Variants in FIRRM observed in about 807,000 individuals in gnomAD.
FIRRM encodes FIGNL1-interacting regulator of recombination and mitosis.
the FIRRM span, chr1:169,852,086 T>A: frequency 4.6e-6 from 5 of 1,093,834 alleles, no homozygotes; most frequent in African/African-American, 1.6e-5. Context: ...TTTATGGTAG[T>A]TGCTTTTAAA....
the FIRRM span, among the ~76,000 whole-genome samples, chr1:169,839,932 C>T: frequency 1.6e-4 from 25 of 152,212 alleles, 2 homozygotes; most frequent in Admixed American, 8.5e-4. Flanking sequence ...CAGTTTCATT[C>T]TTCTGCATGT....
At chr1:169,811,742 AGATT>A in the FIRRM span, among the ~76,000 whole-genome samples, 1 of 146,230 alleles carries the variant, frequency 6.8e-6, no homozygotes, top group Admixed American at 7.0e-5. Context: ...GATAATAGAC[AGATT>A]ATCTAAATAG....
At chr1:169,847,781 T>A in the FIRRM span, 1 of 1,606,846 alleles carries the variant, frequency 6.2e-7, no homozygotes, top group Non-Finnish European at 8.5e-7. Flanking sequence ...TTAGGAAAAC[T>A]TTTTATACCT....
the FIRRM span, among the ~76,000 whole-genome samples, chr1:169,825,121 T>C: frequency 2.0e-5 from 3 of 152,210 alleles, no homozygotes; most frequent in African/African-American, 7.2e-5. Flanking sequence ...TCTCATCACC[T>C]GAACTGCTAC....
chr1:169,794,343 G>A, the FIRRM span, among the ~76,000 whole-genome samples: 1 of 152,138 alleles, frequency 6.6e-6, no homozygotes. Context: ...AACATGCATA[G>A]GTATGGCCTG....
At chr1:169,793,448 C>A in the FIRRM span, 1 of 1,614,214 alleles carries the variant, frequency 6.2e-7, no homozygotes, top group Non-Finnish European at 8.5e-7. Flanking sequence ...CCTTGAACTG[C>A]TGGCTGCACT....
chr1:169,802,793 T>C, the FIRRM span: 2 of 867,576 alleles, frequency 2.3e-6, no homozygotes, highest in Admixed American at 4.1e-5. Context: ...TTTATACTGA[T>C]ACTGATTAGC....
At chr1:169,795,265 C>A in the FIRRM span, 1 of 1,517,066 alleles carries the variant, frequency 6.6e-7, no homozygotes, top group South Asian at 1.2e-5. Flanking sequence ...GGGCGGGTCG[C>A]GAACCTTTCT....
chr1:169,849,966 T>C, the FIRRM span: 1 of 471,334 alleles, frequency 2.1e-6, no homozygotes, highest in Non-Finnish European at 3.8e-6. Context: ...ACCTGTAAGA[T>C]GGGTTGCTCC....
chr1:169,847,522 C>T, the FIRRM span, among the ~76,000 whole-genome samples: 1 of 151,914 alleles, frequency 6.6e-6, no homozygotes, highest in Non-Finnish European at 1.5e-5. Flanking sequence ...ATAGGATTGT[C>T]TTATTTAAAT....
At chr1:169,800,262 C>G in the FIRRM span, among the ~76,000 whole-genome samples, 1 of 151,590 alleles carries the variant, frequency 6.6e-6, no homozygotes, top group Non-Finnish European at 1.5e-5. Context: ...CCCAGGTGGT[C>G]TTTAACTCCT....
chr1:169,852,850 C>A, the FIRRM span: 1 of 1,613,994 alleles, frequency 6.2e-7, no homozygotes, highest in East Asian at 2.2e-5. Flanking sequence ...GTCAGCGCTG[C>A]ATACAATAGC....
the FIRRM span, among the ~76,000 whole-genome samples, chr1:169,804,845 G>A: frequency 6.6e-6 from 1 of 152,078 alleles, no homozygotes; most frequent in Non-Finnish European, 1.5e-5. Context: ...ACCACACCTG[G>A]CTAATTTTTG....
At chr1:169,814,857 G>C in the FIRRM span, among the ~76,000 whole-genome samples, 21 of 152,152 alleles carry the variant, frequency 1.4e-4, no homozygotes, top group Admixed American at 1.4e-3. Flanking sequence ...CCACATGGGG[G>C]TTGGCACCCC....
chr1:169,853,045 T>C, the FIRRM span: 6 of 1,546,032 alleles, frequency 3.9e-6, no homozygotes, highest in African/African-American at 6.9e-5. Context: ...TACTTATGTC[T>C]GTACATTTTC....
the FIRRM span, among the ~76,000 whole-genome samples, chr1:169,808,762 G>A: frequency 1.5e-4 from 23 of 151,936 alleles, no homozygotes; most frequent in African/African-American, 5.3e-4. Flanking sequence ...CTGCCACCAC[G>A]CCTGGCTAAT....
the FIRRM span, chr1:169,802,675 C>T: frequency 6.2e-7 from 1 of 1,613,356 alleles, no homozygotes; most frequent in Non-Finnish European, 8.5e-7. Context: ...AGCCAGAGGA[C>T]TGTCAAGCCA....
the FIRRM span, chr1:169,801,048 C>A: frequency 1.4e-6 from 1 of 701,850 alleles, no homozygotes; most frequent in Non-Finnish European, 2.4e-6. Flanking sequence ...TTAATTATGG[C>A]TCTCTTTTTC....
the FIRRM span, among the ~76,000 whole-genome samples, chr1:169,840,533 C>T: frequency 0.027 from 3,937 of 146,980 alleles, 199 homozygotes; most frequent in East Asian, 0.22. Context: ...TTTGTTGAGA[C>T]GGAGTCTCGC....
Sources: gnomAD v4.1 joint callset for allele counts (sites outside exome capture counted in the v4.1 genomes callset) on GRCh38, gnomAD v4.1.1 for gene constraint, MANE v1.5 for transcripts, NCBI Gene and HGNC (gene_info 2026-07-23, HGNC 2026-07-21) for gene names.